Variants in ZMAT4 observed in about 807,000 individuals in gnomAD.
ZMAT4 encodes zinc finger matrin-type 4.
Under a neutral mutation model 28.7 loss-of-function variants are expected in ZMAT4, and 17 were observed. That is an observed-to-expected ratio of 0.59 (90% CI 0.41 to 0.89). The LOEUF (loss-of-function observed/expected upper bound fraction) is 0.89. Among genes scored for constraint, ZMAT4 ranks in the 40% least tolerant of loss-of-function variants. The pLI is 0.00. For synonymous variants in ZMAT4, 117 were observed against 109.2 expected (o/e 1.07, Z -0.44); for missense variants, 240 against 283.8 (o/e 0.85, Z 1.11).
rs536468798 is a variant in ZMAT4, at chr8:40,869,466, A to G, written c.-5+28217T>C. Among the ~76,000 whole-genome samples the G allele has an allele frequency of 9.9e-4, 151 of 152,336 alleles. 1 individual carries two copies. Among genetic ancestry groups the G allele is most frequent in the African/African-American group, 3.5e-3 (146 of 41,574 alleles). On this transcript the variant is annotated intron_variant, in intron 1 of 6. Transcript: ENST00000297737. ...TAAAACCTCCAGCCTGCCAGGCACT[A>G]TGGCTGGATTTGGCTAACACATGTA...
At chr8:40,577,530 G>C (rs925964587) in intron 6 of ZMAT4, among the ~76,000 whole-genome samples, 12 of 152,098 alleles carry the variant, frequency 7.9e-5, no homozygotes, top group Non-Finnish European at 1.5e-4. Flanking sequence ...AATAGTGGGA[G>C]AGGGGAGAGG....
chr8:40,813,542 C>A (rs922933416), intron 2 of ZMAT4, among the ~76,000 whole-genome samples: 8 of 152,220 alleles, frequency 5.3e-5, no homozygotes, highest in Non-Finnish European at 1.2e-4. Flanking sequence ...AAGCATGAAC[C>A]TTTCCATGAA....
chr8:40,655,691 T>C (rs1331692062), intron 5 of ZMAT4, among the ~76,000 whole-genome samples: 1 of 152,076 alleles, frequency 6.6e-6, no homozygotes, highest in African/African-American at 2.4e-5. Flanking sequence ...AAAGGTGCCA[T>C]GACAATGCAA....
chr8:40,659,637 C>T lies in ZMAT4; in HGVS notation c.577+15067G>A, dbSNP rs551642145. Reference sequence around the variant, plus strand: ...TTCTGGAGGTGCAATTATTCACAATCGAAGTTCACAGACTCACAATTTATT... The same window carrying T: ...TTCTGGAGGTGCAATTATTCACAATTGAAGTTCACAGACTCACAATTTATT... On this transcript the variant is annotated intron_variant, in intron 5 of 6. Coordinates refer to ENST00000297737, the MANE Select transcript of ZMAT4 (RefSeq NM_024645.3). 5.3e-5 allele frequency among the ~76,000 whole-genome samples: 8 copies of T among 152,178 alleles called. No individual in the cohort carries two copies. In the East Asian group the frequency reaches 9.7e-4, roughly 18 times the overall value.
chr8:40,545,447 A>C (rs1053893153), intron 6 of ZMAT4, among the ~76,000 whole-genome samples: 1 of 152,196 alleles, frequency 6.6e-6, no homozygotes, highest in East Asian at 1.9e-4. Context: ...TATATGTTGA[A>C]GTCCTAACAC....
intron 3 of ZMAT4, among the ~76,000 whole-genome samples, chr8:40,742,762 C>T (rs1812063818): frequency 6.6e-6 from 1 of 151,814 alleles, no homozygotes; most frequent in African/African-American, 2.4e-5. Flanking sequence ...CACACACACA[C>T]ACACACACAC....
chr8:40,859,675 G>T (rs941282044), intron 1 of ZMAT4, among the ~76,000 whole-genome samples: 6 of 152,158 alleles, frequency 3.9e-5, no homozygotes, highest in Admixed American at 2.6e-4. Flanking sequence ...GTGTGTGCAC[G>T]TGAGAGATGC....
At chr8:40,809,875 C>A (rs1308012779) in intron 2 of ZMAT4, among the ~76,000 whole-genome samples, 3 of 152,054 alleles carry the variant, frequency 2.0e-5, no homozygotes, top group Non-Finnish European at 4.4e-5. Flanking sequence ...GAAACCCCAT[C>A]TCTACTAAAA....
intron 1 of ZMAT4, among the ~76,000 whole-genome samples, chr8:40,846,719 AGGGCAGACCC>A (rs1816913325): frequency 6.6e-6 from 1 of 152,184 alleles, no homozygotes; most frequent in South Asian, 2.1e-4. Context: ...GGGACTTGGC[AGGGCAGACCC>A]GCACAGCTGC....
intron 2 of ZMAT4, among the ~76,000 whole-genome samples, chr8:40,789,972 T>C (rs186725794): frequency 2.6e-5 from 4 of 152,278 alleles, no homozygotes; most frequent in Non-Finnish European, 4.4e-5. Flanking sequence ...AAACCAGTCA[T>C]GTACACTGCC....
At chr8:40,730,373 G>A (rs1011296521) in intron 3 of ZMAT4, among the ~76,000 whole-genome samples, 3 of 152,176 alleles carry the variant, frequency 2.0e-5, no homozygotes, top group African/African-American at 7.2e-5. Context: ...AAGATGAATT[G>A]ATTTAAATCT....
intron 5 of ZMAT4, among the ~76,000 whole-genome samples, chr8:40,664,254 C>A (rs2118865319): frequency 6.6e-6 from 1 of 152,254 alleles, no homozygotes; most frequent in Non-Finnish European, 1.5e-5. Context: ...CCAGCGAACA[C>A]AACACCAGTA....
chr8:40,881,453 A>AAGAG (rs1377902204), intron 1 of ZMAT4, among the ~76,000 whole-genome samples: 1 of 135,032 alleles, frequency 7.4e-6, no homozygotes, highest in Non-Finnish European at 1.6e-5. Flanking sequence ...GAAAGAAAGA[A>AAGAG]AGAAAGAAAG....
At chr8:40,728,668 G>A (rs1811407266) in intron 3 of ZMAT4, among the ~76,000 whole-genome samples, 1 of 152,170 alleles carries the variant, frequency 6.6e-6, no homozygotes, top group Admixed American at 6.5e-5. Flanking sequence ...AGAGAGTCAG[G>A]AAGGCACATC....
At chr8:40,803,352 A>C (rs1233353004) in intron 2 of ZMAT4, among the ~76,000 whole-genome samples, 1 of 152,222 alleles carries the variant, frequency 6.6e-6, no homozygotes, top group Non-Finnish European at 1.5e-5. Context: ...TACCCAAAAG[A>C]TAAAGGACTG....
At chr8:40,876,178 T>C (rs1432251132) in intron 1 of ZMAT4, among the ~76,000 whole-genome samples, 3 of 152,158 alleles carry the variant, frequency 2.0e-5, no homozygotes, top group Non-Finnish European at 2.9e-5. Flanking sequence ...TTTTCTTCTG[T>C]CCCTGCCCCT....
chr8:40,847,214 C>CAAAAAAAAAAAAA (rs372935416), intron 1 of ZMAT4, among the ~76,000 whole-genome samples: 2 of 99,594 alleles, frequency 2.0e-5, no homozygotes, highest in Non-Finnish European at 4.2e-5. Flanking sequence ...AAAAAACAAA[C>CAAAAAAAAAAAAA]AAACAAAAAA....
Position 40,569,203 on chromosome 8 carries a change from C to G in ZMAT4, c.674+11962G>C, listed in dbSNP as rs1181369749. ...AAAGAGAAGTGATAAATAACTGATT[C>G]AGGAACACAATCAAGGACATGTCCA... On this transcript the variant is annotated intron_variant, in intron 6 of 6. Coordinates refer to ENST00000297737, the MANE Select transcript of ZMAT4 (RefSeq NM_024645.3). Among the ~76,000 whole-genome samples the G allele has an allele frequency of 3.9e-5, 6 of 152,118 alleles. No individual in the cohort carries two copies. In the East Asian group the frequency reaches 1.2e-3, roughly 29 times the overall value.
chr8:40,770,071 G>C (rs957527535), intron 2 of ZMAT4, among the ~76,000 whole-genome samples: 3 of 152,158 alleles, frequency 2.0e-5, no homozygotes, highest in Non-Finnish European at 4.4e-5. Context: ...CTACACCTCA[G>C]GCAGTGCCCT....
Sources: allele counts gnomAD v4.1 joint callset (sites outside exome capture counted in the v4.1 genomes callset), GRCh38; gene constraint gnomAD v4.1.1; transcripts MANE v1.5; gene names NCBI Gene and HGNC (gene_info 2026-07-23, HGNC 2026-07-21).